The following ATP10D variants were observed in gnomAD, a reference collection of about 807,000 sequenced individuals.
The protein encoded by ATP10D is ATPase phospholipid transporting 10D (putative).
ATP10D carries 89 observed loss-of-function variants against 144.8 expected under a neutral mutation model. That is an observed-to-expected ratio of 0.61 (90% CI 0.52 to 0.73). The LOEUF is 0.73. Ranked by LOEUF, ATP10D falls within the 30% of genes least tolerant of loss-of-function variation. The pLI, the probability that ATP10D is intolerant of heterozygous loss-of-function variation, is 0.00. For synonymous variants in ATP10D, 571 were observed against 615.1 expected, an observed-to-expected ratio of 0.93 and a Z score of 1.06; for missense variants, 1,603 against 1,714.8, an observed-to-expected ratio of 0.93 and a Z score of 1.15.
At chr4:47,523,402 A>C (rs1442708904) in intron 4 of ATP10D, among the ~76,000 whole-genome samples, 186 bp downstream of exon 4, 2 of 152,226 alleles carry the variant, frequency 1.3e-5, no homozygotes, top group African/African-American at 4.8e-5. Context: ...AAGAGGATAA[A>C]ATGACTTCAG....
chr4:47,565,337 G>A (rs1481584234), intron 15 of ATP10D, among the ~76,000 whole-genome samples: 1 of 152,184 alleles, frequency 6.6e-6, no homozygotes, highest in African/African-American at 2.4e-5. Context: ...GAAAAATAGA[G>A]TGGGTTCCCC....
chr4:47,518,282 G>GGCGCTTAATTTTC (rs1716784305), intron 3 of ATP10D, among the ~76,000 whole-genome samples: 1 of 152,090 alleles, frequency 6.6e-6, no homozygotes, highest in African/African-American at 2.4e-5. Context: ...CTATAGAAAA[G>GGCGCTTAATTTTC]TATCATTTGG....
chr4:47,563,502 A>G (rs1035047202), intron 14 of ATP10D, 79 bp from the exon 15 acceptor site: 8 of 1,300,022 alleles, frequency 6.2e-6, no homozygotes, highest in Non-Finnish European at 8.5e-6. Context: ...GCTAACAGAT[A>G]TGATTCAACT....
At chr4:47,492,797 A>G (rs1017339022) in intron 1 of ATP10D, among the ~76,000 whole-genome samples, 1 of 152,204 alleles carries the variant, frequency 6.6e-6, no homozygotes, top group African/African-American at 2.4e-5. Flanking sequence ...TTTAAACAAA[A>G]TAACTAATGT....
chr4:47,569,050 T>G lies in ATP10D; in HGVS notation c.3067T>G (p.Cys1023Gly), dbSNP rs1367324670. The G allele has an allele frequency of 6.2e-7, 1 of 1,614,232 alleles. No individual in the cohort carries two copies. The highest frequency in any genetic ancestry group is 8.5e-7 in the Non-Finnish European group (1 of 1,180,040). Residue 1023 changes from cysteine to glycine, a missense_variant, in exon 16 of 23, where the codon TGT becomes GGT. Transcript: ENST00000273859. ...QKQFLELTSW[C>G]QAVVCCRATP... is the part of the protein sequence containing the mutation. The stretch of plus-strand genomic sequence containing the variant: ...GCAGTTCCTGGAACTGACATCTTGG[T>G]GTCAAGCTGTGGTCTGCTGCCGAGC...
intron 22 of ATP10D, among the ~76,000 whole-genome samples, chr4:47,589,558 A>G (rs1371594725): frequency 6.6e-6 from 1 of 152,102 alleles, no homozygotes; most frequent in African/African-American, 2.4e-5. Context: ...ATTAGTTCCA[A>G]TATTTTATTT....
At chr4:47,546,925 G>C (rs1301328656) in intron 10 of ATP10D, 63 bp downstream of exon 10, 16 of 1,475,778 alleles carry the variant, frequency 1.1e-5, no homozygotes, top group Admixed American at 3.4e-5. Context: ...GAACAGCCTT[G>C]TAATTATGAT....
chr4:47,590,422 C>G (rs765855407), intron 22 of ATP10D, among the ~76,000 whole-genome samples: 3 of 152,122 alleles, frequency 2.0e-5, no homozygotes, highest in Non-Finnish European at 2.9e-5. Context: ...AACCTTTCTG[C>G]TAGTGCTGAA....
intron 9 of ATP10D, among the ~76,000 whole-genome samples, chr4:47,538,383 C>T (rs1467570120): frequency 6.6e-6 from 1 of 152,142 alleles, no homozygotes; most frequent in Non-Finnish European, 1.5e-5. Context: ...TCATTTAAAA[C>T]AAGTTCTTAA....
intron 1 of ATP10D, among the ~76,000 whole-genome samples, chr4:47,487,024 A>T (rs1203533850): frequency 6.6e-6 from 1 of 152,138 alleles, no homozygotes; most frequent in East Asian, 1.9e-4. Context: ...TGAGGTCAGG[A>T]GTTCGAGACC....
chr4:47,538,500 A>G lies in ATP10D; in HGVS notation c.1396+1562A>G, dbSNP rs977408385. Among the ~76,000 whole-genome samples, 4 of 152,182 alleles carry G rather than the reference A, an allele frequency of 2.6e-5. No homozygotes were observed. In the East Asian group the frequency reaches 5.8e-4, roughly 22 times the overall value. On this transcript the variant is annotated intron_variant, in intron 9 of 22. Transcript: ENST00000273859. The stretch of plus-strand genomic sequence containing the variant: ...CTTATTAGTTTTCTATCACTGCATA[A>G]CAAATCACCACAAACCATAATGGCT...
In ATP10D at chr4:47,572,224, C is replaced by T. The variant is rs1415257297; in HGVS notation, c.3234C>T (p.Gly1078=). ...DIGIGVSGQE[G]MQAVMASDFA... ...GGATAGGGGTCTCAGGTCAAGAAGG[C>T]ATGCAGGTGAGTGGATATTGTGCAC... is the stretch of plus-strand genomic sequence containing the variant. Residue 1078 remains glycine, a synonymous_variant, in exon 17 of 23, where the codon GGC becomes GGT. Transcript: ENST00000273859. The T allele has an allele frequency of 6.2e-7, 1 of 1,613,930 alleles. No individual in the cohort carries two copies. Among genetic ancestry groups the T allele is most frequent in the Admixed American group, 1.7e-5 (1 of 60,012 alleles).
At chr4:47,523,252 A>T (rs776269277) in intron 4 of ATP10D, 36 bp downstream of exon 4, 22 of 1,544,068 alleles carry the variant, frequency 1.4e-5, no homozygotes, top group Non-Finnish European at 1.9e-5. Context: ...GCTTATTAAC[A>T]TTTTTTTTCA....
chr4:47,536,751 T>C lies in ATP10D; in HGVS notation c.1209T>C (p.Ile403=), dbSNP rs1466860924. 2 of 1,613,370 alleles carry C rather than the reference T, an allele frequency of 1.2e-6. No homozygotes were observed. Among genetic ancestry groups the C allele is most frequent in the African/African-American group, 2.7e-5 (2 of 74,906 alleles). The change falls in exon 9 of 23, where the codon ATT becomes ATC. Residue 403 remains isoleucine (I), a synonymous_variant. Coordinates refer to ENST00000273859, the MANE Select transcript of ATP10D (RefSeq NM_020453.4). Reference sequence around the variant, plus strand: ...TGAAGCTTGGACAAATATATTTCATTCAAAGTGATGTGGATTTCTACAATG... The same window carrying C: ...TGAAGCTTGGACAAATATATTTCATCCAAAGTGATGTGGATTTCTACAATG... ...EIVKLGQIYF[I]QSDVDFYNEK...
intron 1 of ATP10D, chr4:47,490,953 CTT>C: frequency 2.0e-6 from 1 of 509,870 alleles, no homozygotes; most frequent in Non-Finnish European, 3.6e-6. Context: ...AGTCAGAAGT[CTT>C]TTATTTTATT....
intron 5 of ATP10D, among the ~76,000 whole-genome samples, chr4:47,526,607 T>C (rs1717257958): frequency 6.6e-6 from 1 of 152,212 alleles, no homozygotes; most frequent in Non-Finnish European, 1.5e-5. Flanking sequence ...GATGGTATAA[T>C]GTTCTTTGTA....
intron 3 of ATP10D, among the ~76,000 whole-genome samples, chr4:47,520,044 T>C (rs914526734): frequency 6.6e-6 from 1 of 152,236 alleles, no homozygotes; most frequent in Non-Finnish European, 1.5e-5. Flanking sequence ...TGAAAGTGAC[T>C]TCATTTGAGT....
At chr4:47,579,335 T>C (rs1181089022) in intron 19 of ATP10D, among the ~76,000 whole-genome samples, 1 of 152,228 alleles carries the variant, frequency 6.6e-6, no homozygotes, top group East Asian at 1.9e-4. Context: ...ACTGTTTTAG[T>C]CGCTTGAATA....
chr4:47,515,099 C>T (rs545957966), intron 2 of ATP10D, among the ~76,000 whole-genome samples: 4 of 151,872 alleles, frequency 2.6e-5, no homozygotes, highest in Non-Finnish European at 4.4e-5. Flanking sequence ...TAGCTGGGAC[C>T]ACAAGCGTAG....
Sources: gnomAD v4.1 joint callset for allele counts (sites outside exome capture counted in the v4.1 genomes callset) on GRCh38, gnomAD v4.1.1 for gene constraint, MANE v1.5 for transcripts, NCBI Gene and HGNC (gene_info 2026-07-23, HGNC 2026-07-21) for gene names.